Variants in GABRG3 observed in about 807,000 individuals in gnomAD.
GABRG3 encodes gamma-aminobutyric acid type A receptor subunit gamma3, also known as gamma-aminobutyric acid receptor subunit gamma-3.
In GABRG3, 25 loss-of-function variants were observed where a neutral mutation model predicts 48.8. The observed-to-expected ratio is 0.51, with a 90% CI of 0.37 to 0.72. The LOEUF is 0.72. GABRG3 is among the 30% of genes least tolerant of loss of function. GABRG3 has a pLI of 0.00. For synonymous variants in GABRG3, 227 were observed against 217.6 expected, an observed-to-expected ratio of 1.04 and a Z score of -0.38; for missense variants, 394 against 577.9, an observed-to-expected ratio of 0.68 and a Z score of 3.26.
At chr15:27,166,519 G>A (rs556801246) in intron 3 of GABRG3, among the ~76,000 whole-genome samples, 1 of 152,184 alleles carries the variant, frequency 6.6e-6, no homozygotes, top group African/African-American at 2.4e-5. Flanking sequence ...GGTCTTGCAG[G>A]GAGGCCACTG....
intron 3 of GABRG3, among the ~76,000 whole-genome samples, chr15:27,263,762 G>T (rs1404181644): frequency 6.6e-6 from 1 of 151,886 alleles, no homozygotes; most frequent in Non-Finnish European, 1.5e-5. Flanking sequence ...GACAACCACC[G>T]GACGGACTGT....
intron 3 of GABRG3, among the ~76,000 whole-genome samples, chr15:27,156,317 A>AG (rs1435244908): frequency 1.3e-5 from 2 of 150,068 alleles, no homozygotes; most frequent in African/African-American, 4.9e-5. Flanking sequence ...AAAAAAAAAA[A>AG]AAAAGAAAGA....
intron 3 of GABRG3, among the ~76,000 whole-genome samples, chr15:27,117,925 G>A (rs1026879995): frequency 2.6e-5 from 4 of 152,040 alleles, no homozygotes; most frequent in African/African-American, 9.7e-5. Context: ...AAGTGTAAAG[G>A]GGGTAAGTAA....
rs74757131 is a variant in GABRG3, at chr15:27,178,518, G to A, written c.271-148291G>A. Among the ~76,000 whole-genome samples, 668 of 152,282 alleles carry A rather than the reference G, an allele frequency of 4.4e-3. 7 individuals carry two copies. The highest frequency in any genetic ancestry group is 0.016 in the African/African-American group (649 of 41,546). ...GAGCTTTCTCTTTGGCTCTCCGAAG[G>A]TTTGCTGAAAAGTCGGTTCACAAAA... On this transcript the variant is annotated intron_variant, in intron 3 of 9. Transcript: ENST00000615808.
intron 5 of GABRG3, among the ~76,000 whole-genome samples, chr15:27,424,424 TG>T (rs1888226960): frequency 6.6e-6 from 1 of 152,168 alleles, no homozygotes; most frequent in African/African-American, 2.4e-5. Context: ...CTAGCTGCTG[TG>T]TCCTCACATG....
intron 5 of GABRG3, among the ~76,000 whole-genome samples, chr15:27,399,312 A>G (rs1887411649): frequency 6.6e-6 from 1 of 152,218 alleles, no homozygotes; most frequent in African/African-American, 2.4e-5. Flanking sequence ...AGTTCTGGCC[A>G]TTGAAACAGG....
chr15:27,039,248 T>C (rs1318617160), intron 3 of GABRG3, among the ~76,000 whole-genome samples: 1 of 152,186 alleles, frequency 6.6e-6, no homozygotes, highest in African/African-American at 2.4e-5. Flanking sequence ...GGGTTCTTGC[T>C]AATGGGCCTA....
intron 5 of GABRG3, among the ~76,000 whole-genome samples, chr15:27,460,994 T>C (rs1889431072): frequency 6.6e-6 from 1 of 152,206 alleles, no homozygotes; most frequent in South Asian, 2.1e-4. Flanking sequence ...AACAGGTCTC[T>C]GCTCGTTCCT....
At chr15:27,246,078 G>C (rs568478998) in intron 3 of GABRG3, among the ~76,000 whole-genome samples, 86 of 152,080 alleles carry the variant, frequency 5.7e-4, no homozygotes, top group African/African-American at 1.9e-3. Context: ...TCACTGCCAG[G>C]CACTCATGAG....
Position 27,370,400 on chromosome 15 carries a change from G to T in GABRG3, c.574+41512G>T, listed in dbSNP as rs146019222. 5.1e-3 allele frequency among the ~76,000 whole-genome samples: 770 copies of T among 152,326 alleles called. 4 individuals are homozygous for T. Among genetic ancestry groups the T allele is most frequent in the Admixed American group, 7.7e-3 (118 of 15,300 alleles). On this transcript the variant is annotated intron_variant, in intron 5 of 9. Transcript: ENST00000615808. ...CTGGAGTACTTGTTCTGCAGCTCTT[G>T]CTTGCTTTGTTTTAGCTGTGGACAT...
chr15:27,522,167 C>T (rs1476126752), intron 7 of GABRG3, among the ~76,000 whole-genome samples: 1 of 151,890 alleles, frequency 6.6e-6, no homozygotes, highest in African/African-American at 2.4e-5. Context: ...CTGACTGATT[C>T]TTCATGTGCA....
At chr15:27,153,932 T>A (rs1595554967) in intron 3 of GABRG3, among the ~76,000 whole-genome samples, 1 of 152,192 alleles carries the variant, frequency 6.6e-6, no homozygotes. Context: ...TGACATCACT[T>A]GTAAATTTTA....
chr15:27,141,148 A>G (rs2140389764), intron 3 of GABRG3, among the ~76,000 whole-genome samples: 1 of 152,234 alleles, frequency 6.6e-6, no homozygotes, highest in African/African-American at 2.4e-5. Flanking sequence ...ATTGTGGGAG[A>G]ATAGATTATT....
intron 3 of GABRG3, among the ~76,000 whole-genome samples, chr15:27,146,083 G>C (rs1417748975): frequency 6.6e-6 from 1 of 152,110 alleles, no homozygotes; most frequent in East Asian, 1.9e-4. Flanking sequence ...ATCACTAGCA[G>C]ACTTGCCTGC....
chr15:27,220,655 G>C (rs1034830745), intron 3 of GABRG3, among the ~76,000 whole-genome samples: 1 of 152,160 alleles, frequency 6.6e-6, no homozygotes, highest in Admixed American at 6.5e-5. Context: ...ATGTTCTATA[G>C]AGTCCCTAGA....
intron 6 of GABRG3, among the ~76,000 whole-genome samples, chr15:27,508,304 A>G (rs1469389977): frequency 6.6e-6 from 1 of 152,206 alleles, no homozygotes; most frequent in Non-Finnish European, 1.5e-5. Flanking sequence ...CTTATTGTGT[A>G]TAACAATCTT....
intron 3 of GABRG3, among the ~76,000 whole-genome samples, chr15:27,243,497 C>T (rs539468782): frequency 2.9e-4 from 44 of 152,038 alleles, no homozygotes; most frequent in African/African-American, 7.7e-4. Flanking sequence ...AGGGCATTCC[C>T]GTGGGATTGG....
intron 6 of GABRG3, among the ~76,000 whole-genome samples, chr15:27,504,011 C>T (rs998530292): frequency 6.6e-6 from 1 of 152,058 alleles, no homozygotes; most frequent in Non-Finnish European, 1.5e-5. Flanking sequence ...TTATTATTAC[C>T]ACAGTAAAAC....
intron 2 of GABRG3, among the ~76,000 whole-genome samples, chr15:27,026,285 T>A (rs1895981745): frequency 6.6e-6 from 1 of 152,226 alleles, no homozygotes; most frequent in Non-Finnish European, 1.5e-5. Context: ...TTGAGTTGCT[T>A]TGCTTTGGAA....
Sources: allele counts gnomAD v4.1 joint callset (sites outside exome capture counted in the v4.1 genomes callset), GRCh38; gene constraint gnomAD v4.1.1; transcripts MANE v1.5; gene names NCBI Gene and HGNC (gene_info 2026-07-23, HGNC 2026-07-21).